TRAF3IP2: variants seen among roughly 807,000 people sequenced by gnomAD.
The protein encoded by TRAF3IP2 is E3 ubiquitin ligase TRAF3IP2.
Under a neutral mutation model 57.9 loss-of-function variants are expected in TRAF3IP2, and 35 were observed. The ratio of observed to expected loss-of-function variants is 0.60; its 90% CI spans 0.46 to 0.80. The LOEUF is 0.80. Among genes scored for constraint, TRAF3IP2 ranks in the 30% least tolerant of loss-of-function variants. The pLI is 0.00. For missense variants in TRAF3IP2, 556 were observed against 706.4 expected (o/e 0.79, Z 2.41); for synonymous variants, 251 against 268.9 (o/e 0.93, Z 0.65).
At chr6:111,592,143 T>C (rs1281606340) in intron 1 of TRAF3IP2, 49 bp from the exon 2 acceptor site, 1 of 1,505,694 alleles carries the variant, frequency 6.6e-7, no homozygotes. Flanking sequence ...GATAAATTCT[T>C]GGAGTCCTCA....
chr6:111,570,751 A>G (rs187890058), intron 5 of TRAF3IP2, among the ~76,000 whole-genome samples: 47 of 152,356 alleles, frequency 3.1e-4, no homozygotes, highest in African/African-American at 8.7e-4. Flanking sequence ...TTTATATTAC[A>G]GACCTGGTCT....
At position 111,580,372 on chromosome 6, in the gene TRAF3IP2, G is replaced by A. The variant is rs774729962; in HGVS notation, c.847C>T (p.Arg283Ter). 6.4e-6 allele frequency: 10 copies of A among 1,562,856 alleles called. No homozygotes were observed. Among genetic ancestry groups the A allele is most frequent in the African/African-American group, 1.4e-5 (1 of 72,696 alleles). The stretch of plus-strand genomic sequence containing the variant: ...TGGATCACTTGCTGGTAGGCTGCTC[G>A]AGGGTAGTCATGGCCATCTGTAGGT... ...HQVPYGHDYP[R>*]AAYQQVIQPA... Residue 283 changes from arginine (R) to a stop codon, truncating the protein, a stop_gained, in exon 3 of 9, where the codon CGA becomes TGA. Coordinates refer to ENST00000368761, the MANE Select transcript of TRAF3IP2 (RefSeq NM_147686.4). LOFTEE classifies it high-confidence loss of function.
At position 111,581,815 on chromosome 6, in the gene TRAF3IP2, T is replaced by C. The variant is rs536085872; in HGVS notation, c.830-1426A>G. Among the ~76,000 whole-genome samples the C allele has an allele frequency of 3.1e-3, 471 of 152,108 alleles. 6 individuals carry two copies. Among genetic ancestry groups the C allele is most frequent in the Admixed American group, 4.0e-3 (61 of 15,260 alleles). On this transcript the variant is annotated intron_variant, in intron 2 of 8. Transcript: ENST00000368761. ...CAACATGGTAAAACCCCATCTCTACTACAAATACAAAAATTAGCTGGGTGT... is the reference window on the plus strand; with the variant it reads ...CAACATGGTAAAACCCCATCTCTACCACAAATACAAAAATTAGCTGGGTGT...
intron 7 of TRAF3IP2, among the ~76,000 whole-genome samples, chr6:111,564,912 G>A (rs763210395): frequency 1.3e-5 from 2 of 152,126 alleles, no homozygotes; most frequent in Non-Finnish European, 2.9e-5. Context: ...CAGGACATTG[G>A]GTGCTCTGAG....
intron 7 of TRAF3IP2, among the ~76,000 whole-genome samples, chr6:111,564,132 T>A (rs1397589240): frequency 6.6e-6 from 1 of 151,704 alleles, no homozygotes; most frequent in African/African-American, 2.4e-5. Flanking sequence ...TAGAAACCCC[T>A]CATAAACACA....
intron 1 of TRAF3IP2, among the ~76,000 whole-genome samples, chr6:111,595,600 C>T (rs142335116): frequency 1.6e-4 from 25 of 152,170 alleles, no homozygotes; most frequent in East Asian, 7.8e-4. Context: ...GAGGCCAAGG[C>T]GGGCAGATCG....
intron 1 of TRAF3IP2, 131 bp downstream of exon 1, chr6:111,605,645 T>G (rs9487680): frequency 0.11 from 16,090 of 152,304 alleles, 912 homozygotes; most frequent in African/African-American, 0.15. Flanking sequence ...GCGAACAAGT[T>G]AAAGGAGGGG....
At chr6:111,590,113 T>G (rs1326942321) in intron 2 of TRAF3IP2, among the ~76,000 whole-genome samples, 1 of 152,224 alleles carries the variant, frequency 6.6e-6, no homozygotes, top group African/African-American at 2.4e-5. Flanking sequence ...ATAGAACCTT[T>G]TATCTCAACC....
At chr6:111,562,600 T>G (rs1469418345) in intron 8 of TRAF3IP2, among the ~76,000 whole-genome samples, 1 of 152,018 alleles carries the variant, frequency 6.6e-6, no homozygotes, top group Non-Finnish European at 1.5e-5. Context: ...TCCCAGCACT[T>G]TGGGAGGCTG....
intron 1 of TRAF3IP2, chr6:111,597,952 G>C (rs1226447917): frequency 2.2e-6 from 1 of 454,324 alleles, no homozygotes; most frequent in Non-Finnish European, 4.4e-6. Flanking sequence ...ATGACCCAGG[G>C]AGCAAGCACT....
At chr6:111,571,077 TC>T (rs1452840797) in intron 5 of TRAF3IP2, among the ~76,000 whole-genome samples, 2 of 150,570 alleles carry the variant, frequency 1.3e-5, no homozygotes, top group Non-Finnish European at 3.0e-5. Context: ...AACTTTTTTT[TC>T]TTTTTTTTTT....
chr6:111,566,647 G>A (rs1268203891), intron 6 of TRAF3IP2, 87 bp from the exon 7 acceptor site: 4 of 1,130,786 alleles, frequency 3.5e-6, no homozygotes, highest in African/African-American at 3.1e-5. Context: ...GGAGGGCCAG[G>A]CTCATTCTCC....
At chr6:111,563,110 G>T (rs760659358) in intron 7 of TRAF3IP2, 71 bp from the exon 8 acceptor site, 2 of 1,134,786 alleles carry the variant, frequency 1.8e-6, no homozygotes, top group Non-Finnish European at 1.3e-6. Context: ...CCATAATCAT[G>T]CACGTCCACA....
At chr6:111,594,941 A>G (rs1432186596) in intron 1 of TRAF3IP2, among the ~76,000 whole-genome samples, 1 of 152,176 alleles carries the variant, frequency 6.6e-6, no homozygotes, top group Non-Finnish European at 1.5e-5. Context: ...TTTTTTAAAA[A>G]ACTGGTCTGG....
intron 2 of TRAF3IP2, among the ~76,000 whole-genome samples, chr6:111,587,574 C>G (rs1426382091): frequency 2.0e-5 from 3 of 150,814 alleles, no homozygotes; most frequent in African/African-American, 7.3e-5. Context: ...TTTTAAAAAT[C>G]AACAAAAGTA....
chr6:111,592,526 G>T (rs2128382702), intron 1 of TRAF3IP2, among the ~76,000 whole-genome samples: 1 of 152,266 alleles, frequency 6.6e-6, no homozygotes, highest in South Asian at 2.1e-4. Context: ...GCAGAGCAGT[G>T]TGCATACTAT....
In TRAF3IP2 at chr6:111,556,249, TG is replaced by T. The variant is rs1444797256; in HGVS notation, c.*3155del. On this transcript the variant is annotated 3_prime_UTR_variant, in exon 9 of 9. Transcript: ENST00000368761. ...GTGTGTCTGTGTGTACTTTTTGGTT[TG>T]TTTTTTTGCTACCAGTGCTACCAGC... 4.6e-5 allele frequency among the ~76,000 whole-genome samples: 7 copies of T among 152,224 alleles called. No homozygotes were observed. The highest frequency in any genetic ancestry group is 1.2e-4 in the African/African-American group (5 of 41,524).
chr6:111,577,872 C>T (rs1796038403), intron 3 of TRAF3IP2, among the ~76,000 whole-genome samples: 3 of 151,786 alleles, frequency 2.0e-5, no homozygotes, highest in South Asian at 2.1e-4. Context: ...CCACCACACC[C>T]GGCTAATTTT....
At position 111,558,833 on chromosome 6, in the gene TRAF3IP2, T is replaced by C. The variant is rs1302883805; in HGVS notation, c.*572A>G. The C allele has an allele frequency of 1.3e-5, 2 of 152,418 alleles. No homozygotes were observed. The highest frequency in any genetic ancestry group is 2.4e-5 in the African/African-American group (1 of 41,598). 9.4% of individuals were successfully genotyped at this position (152,418 alleles called of 1,614,324 possible). On this transcript the variant is annotated 3_prime_UTR_variant, in exon 9 of 9. Coordinates refer to ENST00000368761, the MANE Select transcript of TRAF3IP2 (RefSeq NM_147686.4). ...TCCATTAATACAGAGTGGTCTGTTA[T>C]ATTTATCTAATATTATATCTAAGCA...
Sources: allele counts gnomAD v4.1 joint callset (sites outside exome capture counted in the v4.1 genomes callset), GRCh38; gene constraint gnomAD v4.1.1; transcripts MANE v1.5; gene names NCBI Gene and HGNC (gene_info 2026-07-23, HGNC 2026-07-21).